The following SMARCA1 variants were observed in gnomAD, a reference collection of about 807,000 sequenced individuals.
SMARCA1 encodes SWI/SNF-related matrix-associated actin-dependent regulator of chromatin subfamily A member 1.
In SMARCA1, 17 loss-of-function variants were observed where a neutral mutation model predicts 93.6. That is an observed-to-expected ratio of 0.18 (90% confidence interval 0.12 to 0.27). The LOEUF (loss-of-function observed/expected upper bound fraction) is 0.27. SMARCA1 is among the 10% of genes least tolerant of loss of function. The pLI is 1.00. For missense variants in SMARCA1, 630 were observed against 819.0 expected, an observed-to-expected ratio of 0.77 and a Z score of 2.82; for synonymous variants, 271 against 271.4, an observed-to-expected ratio of 1.00 and a Z score of 0.01.
At chrX:129,451,848 C>T (rs1222240945) in intron 23 of SMARCA1, among the ~76,000 whole-genome samples, 4 of 110,201 alleles carry the variant, frequency 3.6e-5, no homozygotes, top group Admixed American at 1.9e-4. Context: ...GGACTACAGG[C>T]GCCCGCCACC....
chrX:129,481,178 A>C lies in SMARCA1; in HGVS notation c.2225T>G (p.Met742Arg). 8.6e-7 allele frequency: 1 copy of C among 1,168,817 alleles called. No individual in the cohort carries two copies. Among genetic ancestry groups the C allele is most frequent in the Admixed American group, 2.2e-5 (1 of 45,459 alleles). Residue 742 changes from methionine (M) to arginine (R), a missense_variant, in exon 18 of 25, where the codon ATG (methionine) becomes AGG (arginine). Transcript: ENST00000371121. Reference protein sequence around the residue: ...EDYREKQKLGMVEWIEPPKRE... With the variant: ...EDYREKQKLGRVEWIEPPKRE... Reference sequence around the variant, plus strand: ...TTTAGGAGGTTCAATCCATTCCACCATGCCAAGCTATACACAACAAACAAC... The same window carrying C: ...TTTAGGAGGTTCAATCCATTCCACCCTGCCAAGCTATACACAACAAACAAC...
intron 6 of SMARCA1, among the ~76,000 whole-genome samples, 185 bp downstream of exon 6, chrX:129,511,619 G>C (rs1182911306): frequency 1.8e-5 from 2 of 111,577 alleles, no homozygotes; most frequent in African/African-American, 6.5e-5. Flanking sequence ...CTACCTCATG[G>C]GAGTGTTGTG....
chrX:129,509,460 G>C (rs1934948598), intron 6 of SMARCA1, among the ~76,000 whole-genome samples: 1 of 111,074 alleles, frequency 9.0e-6, no homozygotes, highest in Non-Finnish European at 1.9e-5. Flanking sequence ...GGGAATAGGA[G>C]ACAAAATAAA....
intron 17 of SMARCA1, among the ~76,000 whole-genome samples, chrX:129,482,386 A>G (rs1193565276): frequency 8.9e-6 from 1 of 111,935 alleles, no homozygotes; most frequent in Non-Finnish European, 1.9e-5. Flanking sequence ...AAAGGGGTAA[A>G]TAATAAATGT....
At chrX:129,460,538 C>A (rs1932790047) in intron 23 of SMARCA1, among the ~76,000 whole-genome samples, 1 of 110,336 alleles carries the variant, frequency 9.1e-6, no homozygotes, top group South Asian at 3.9e-4. Flanking sequence ...GTAATCCCTG[C>A]TACTCGGGAG....
Position 129,471,335 on chromosome X carries a change from C to G in SMARCA1, c.2443-9G>C, listed in dbSNP as rs771827989. On this transcript the variant is annotated splice_polypyrimidine_tract_variant and intron_variant, in intron 19 of 24. Coordinates refer to ENST00000371121, the MANE Select transcript of SMARCA1 (RefSeq NM_001282874.2). ...TCAGGATTCCTTGGAACCTATAAATCAAGAGATAAACTAAGAGTAAACTGA... is the reference window on the plus strand; with the variant it reads ...TCAGGATTCCTTGGAACCTATAAATGAAGAGATAAACTAAGAGTAAACTGA... 8.5e-7 allele frequency: 1 copy of G among 1,171,162 alleles called. No individual in the cohort carries two copies. The highest frequency in any genetic ancestry group is 2.4e-5 in the Admixed American group (1 of 42,509).
chrX:129,516,047 A>G, intron 3 of SMARCA1, 53 bp from the exon 4 acceptor site: 1 of 908,309 alleles, frequency 1.1e-6, no homozygotes, highest in South Asian at 2.1e-5. Flanking sequence ...ATAAGGTATC[A>G]ATTAAATCAG....
chrX:129,466,853 A>C (rs891731349), intron 21 of SMARCA1, among the ~76,000 whole-genome samples: 5 of 109,810 alleles, frequency 4.6e-5, no homozygotes, highest in Non-Finnish European at 7.6e-5. Flanking sequence ...AAAAAAAAAA[A>C]ACCTCATTGG....
chrX:129,468,768 C>A lies in SMARCA1; in HGVS notation c.2698+5G>T. 8.6e-7 allele frequency: 1 copy of A among 1,157,535 alleles called. No homozygotes were observed. The highest frequency in any genetic ancestry group is 1.2e-6 in the Non-Finnish European group (1 of 862,122). On this transcript the variant is annotated splice_donor_5th_base_variant and intron_variant, in intron 21 of 24. Coordinates refer to ENST00000371121, the MANE Select transcript of SMARCA1 (RefSeq NM_001282874.2). ...ACAACACCATGTTTCAAATTATATA[C>A]AAACCTGAATACTCCATGACCTCCT...
At chrX:129,504,549 T>TAAAAAAAAAAAAAAAAAAAAAAAAAAA (rs780225300) in intron 9 of SMARCA1, among the ~76,000 whole-genome samples, 185 bp downstream of exon 9, 1 of 24,214 alleles carries the variant, frequency 4.1e-5, no homozygotes, top group Non-Finnish European at 7.2e-5. Context: ...CATAGAGGAA[T>TAAAAAAAAAAAAAAAAAAAAAAAAAAA]AAAAAAAAAA....
At chrX:129,516,075 T>A (rs1935188128) in intron 3 of SMARCA1, 81 bp from the exon 4 acceptor site, 3 of 761,589 alleles carry the variant, frequency 3.9e-6, no homozygotes, top group Non-Finnish European at 1.9e-6. Context: ...GGCTATTATC[T>A]TTTATAGAAA....
At chrX:129,516,708 G>A (rs1935214824) in intron 2 of SMARCA1, among the ~76,000 whole-genome samples, 1 of 111,290 alleles carries the variant, frequency 9.0e-6, no homozygotes, top group South Asian at 3.8e-4. Context: ...GCCCAACCTT[G>A]CACAGCTAAT....
intron 19 of SMARCA1, among the ~76,000 whole-genome samples, chrX:129,472,720 T>C (rs955055573): frequency 2.7e-4 from 30 of 111,919 alleles, no homozygotes; most frequent in Non-Finnish European, 4.7e-4. Flanking sequence ...CAGAAGTGTT[T>C]CAGATTTCAG....
intron 19 of SMARCA1, among the ~76,000 whole-genome samples, chrX:129,472,047 G>C (rs1933149528): frequency 9.0e-6 from 1 of 111,726 alleles, no homozygotes; most frequent in African/African-American, 3.3e-5. Context: ...CAGAAGCTCA[G>C]CTCTCCAAGA....
At chrX:129,463,957 C>T (rs756984435) in intron 23 of SMARCA1, among the ~76,000 whole-genome samples, 3 of 111,554 alleles carry the variant, frequency 2.7e-5, no homozygotes, top group South Asian at 3.8e-4. Flanking sequence ...TAAATACCTA[C>T]ATACATACAA....
chrX:129,502,053 G>A (rs1294394969), intron 9 of SMARCA1, among the ~76,000 whole-genome samples: 1 of 112,088 alleles, frequency 8.9e-6, no homozygotes, highest in Non-Finnish European at 1.9e-5. Context: ...GGTAAGGACA[G>A]GGGAAGAGTA....
intron 23 of SMARCA1, among the ~76,000 whole-genome samples, chrX:129,451,671 A>G (rs1327391879): frequency 2.8e-5 from 3 of 107,945 alleles, no homozygotes; most frequent in Non-Finnish European, 5.8e-5. Flanking sequence ...CACACAGGTC[A>G]TGTCATGTTC....
chrX:129,470,650 CTT>C (rs1933075598), intron 20 of SMARCA1, among the ~76,000 whole-genome samples: 1 of 111,300 alleles, frequency 9.0e-6, no homozygotes, highest in African/African-American at 3.3e-5. Context: ...GGGTGGATCA[CTT>C]GAGGTCAGGA....
intron 1 of SMARCA1, among the ~76,000 whole-genome samples, chrX:129,522,621 T>C (rs72614115): frequency 9.1e-6 from 1 of 110,445 alleles, no homozygotes; most frequent in Non-Finnish European, 1.9e-5. Context: ...ATGGTTTTTT[T>C]CCTGCCATCC....
Sources: allele counts gnomAD v4.1 joint callset (sites outside exome capture counted in the v4.1 genomes callset), GRCh38; gene constraint gnomAD v4.1.1; transcripts MANE v1.5; gene names NCBI Gene and HGNC (gene_info 2026-07-23, HGNC 2026-07-21).